CCDC63: variants seen among roughly 807,000 people sequenced by gnomAD.
CCDC63 encodes coiled-coil domain-containing protein 63.
CCDC63 carries 54 observed loss-of-function variants against 63.6 expected under a neutral mutation model. The ratio of observed to expected loss-of-function variants is 0.85; its 90% CI spans 0.68 to 1.07. CCDC63 has a LOEUF of 1.07. CCDC63 is among the 50% of genes least tolerant of loss of function. The probability of loss-of-function intolerance (pLI) is 0.00; values close to 1 mark genes in which losing one functional copy is unlikely to be tolerated. For synonymous variants in CCDC63, 253 were observed against 266.1 expected (o/e 0.95, Z 0.48); for missense variants, 637 against 689.6 (o/e 0.92, Z 0.86).
intron 8 of CCDC63, among the ~76,000 whole-genome samples, chr12:110,885,409 A>G (rs1291321913): frequency 6.6e-6 from 1 of 152,130 alleles, no homozygotes; most frequent in East Asian, 1.9e-4. Flanking sequence ...TTCCTGGGCT[A>G]TTTACACACC....
chr12:110,906,021 A>G (rs2071571599), intron 11 of CCDC63, among the ~76,000 whole-genome samples: 1 of 52,902 alleles, frequency 1.9e-5, no homozygotes, highest in Non-Finnish European at 3.7e-5. Flanking sequence ...TATAATATAT[A>G]TTATATATTA....
intron 4 of CCDC63, among the ~76,000 whole-genome samples, chr12:110,862,198 A>G (rs2070862904): frequency 6.6e-6 from 1 of 152,222 alleles, no homozygotes; most frequent in Admixed American, 6.5e-5. Context: ...CTTTAGAAGC[A>G]TTAGGAAGAG....
chr12:110,855,786 G>C (rs1407466781), intron 3 of CCDC63, among the ~76,000 whole-genome samples: 1 of 152,094 alleles, frequency 6.6e-6, no homozygotes, highest in East Asian at 1.9e-4. Flanking sequence ...TCACCATGTT[G>C]GTCAGGCTAG....
At chr12:110,847,811 G>A (rs1262918786) in intron 1 of CCDC63, among the ~76,000 whole-genome samples, 1 of 152,214 alleles carries the variant, frequency 6.6e-6, no homozygotes, top group Non-Finnish European at 1.5e-5. Context: ...TCGGGGGCAG[G>A]CTTGTCTTTT....
At chr12:110,857,708 C>A (rs576798685) in intron 3 of CCDC63, among the ~76,000 whole-genome samples, 2 of 152,160 alleles carry the variant, frequency 1.3e-5, no homozygotes, top group African/African-American at 4.8e-5. Flanking sequence ...TCCAAATCCC[C>A]CTGTTTTCCC....
intron 9 of CCDC63, 142 bp downstream of exon 9, chr12:110,893,292 C>T: frequency 1.5e-6 from 1 of 669,356 alleles, no homozygotes; most frequent in South Asian, 1.8e-5. Context: ...ATGACTCAGG[C>T]TGGCCTGGAT....
rs143432780 is a variant in CCDC63, at chr12:110,853,528, C to A, written c.133C>A (p.Arg45=). The change falls in exon 3 of 12, where the codon CGG becomes AGG. Residue 45 remains arginine, a synonymous_variant. Transcript: ENST00000308208. ...GCAGTTCAGGAAGATGGTGGAAAGC[C>A]GGAAGTCTTTTAAGTTCCGAAACCA... ...RQQFRKMVES[R]KSFKFRNQQK... 1 of 1,614,180 alleles carries A rather than the reference C, an allele frequency of 6.2e-7. No individual in the cohort carries two copies.
At chr12:110,904,504 C>A (rs912341868) in intron 10 of CCDC63, 84 bp from the exon 11 acceptor site, 2 of 1,176,436 alleles carry the variant, frequency 1.7e-6, no homozygotes, top group Admixed American at 1.8e-5. Context: ...CTCCTCCCCG[C>A]CCTCTGCAGT....
upstream of CCDC63, chr12:110,845,793 T>C (rs1210858748): frequency 2.7e-5 from 4 of 148,096 alleles, no homozygotes; most frequent in South Asian, 2.1e-4. Context: ...GGAGTCTCAC[T>C]CTGTCACCCA....
chr12:110,887,605 C>G (rs1266973070), intron 8 of CCDC63, among the ~76,000 whole-genome samples: 1 of 152,030 alleles, frequency 6.6e-6, no homozygotes, highest in Non-Finnish European at 1.5e-5. Flanking sequence ...GGCACCTTTG[C>G]TCAGACTAAG....
chr12:110,865,464 C>CAAAAAAA (rs10585238), intron 4 of CCDC63, among the ~76,000 whole-genome samples: 377 of 100,838 alleles, frequency 3.7e-3, no homozygotes, highest in Middle Eastern at 0.012. Flanking sequence ...CAGCATATAC[C>CAAAAAAA]AAAAAAAAAA....
At chr12:110,891,961 T>C (rs899651656) in intron 8 of CCDC63, among the ~76,000 whole-genome samples, 2 of 152,218 alleles carry the variant, frequency 1.3e-5, no homozygotes, top group Non-Finnish European at 2.9e-5. Context: ...TGAGCTTTTT[T>C]CTATCAGAGC....
At chr12:110,870,085 G>A (rs893104049) in intron 4 of CCDC63, among the ~76,000 whole-genome samples, 1 of 152,054 alleles carries the variant, frequency 6.6e-6, no homozygotes, top group South Asian at 2.1e-4. Flanking sequence ...AGTTTTTATT[G>A]GAGCTTCTTT....
At chr12:110,862,575 C>T (rs2070869497) in intron 4 of CCDC63, among the ~76,000 whole-genome samples, 1 of 152,152 alleles carries the variant, frequency 6.6e-6, no homozygotes, top group South Asian at 2.1e-4. Flanking sequence ...TGAATGTACT[C>T]ATGAGAGCCA....
At chr12:110,854,256 T>C (rs2070740681) in intron 3 of CCDC63, among the ~76,000 whole-genome samples, 1 of 21,184 alleles carries the variant, frequency 4.7e-5, no homozygotes, top group South Asian at 1.9e-3. Flanking sequence ...ATTTCTTTTC[T>C]TTTTTTTTTT....
chr12:110,888,838 C>CTTCG (rs2071320397), intron 8 of CCDC63, among the ~76,000 whole-genome samples: 1 of 121,748 alleles, frequency 8.2e-6, no homozygotes, highest in African/African-American at 3.6e-5. Flanking sequence ...TCCTTCCTTC[C>CTTCG]TTCCTTCCTT....
intron 8 of CCDC63, among the ~76,000 whole-genome samples, chr12:110,890,773 C>CTTTTTTTTT (rs769120162): frequency 1.3e-4 from 13 of 98,398 alleles, no homozygotes; most frequent in South Asian, 3.3e-4. Context: ...TCCTCCTTTT[C>CTTTTTTTTT]TTTTTTTTTT....
intron 2 of CCDC63, 128 bp downstream of exon 2, chr12:110,853,091 G>C: frequency 9.4e-7 from 1 of 1,064,142 alleles, no homozygotes; most frequent in Non-Finnish European, 1.4e-6. Flanking sequence ...TAGGTGGGAG[G>C]CTGGAGGCTC....
chr12:110,861,726 A>AT lies in CCDC63; in HGVS notation c.369+2968dup, dbSNP rs68137795. On this transcript the variant is annotated intron_variant, in intron 4 of 11. Coordinates refer to ENST00000308208, the MANE Select transcript of CCDC63 (RefSeq NM_152591.3). ...AGTTGGGACTATAGGTGCCTGGCTA[A>AT]TTTTTTTTTTTTTTTTTGTACTTTT... Among the ~76,000 whole-genome samples, 832 of 138,398 alleles carry AT rather than the reference A, an allele frequency of 6.0e-3. 4 individuals carry two copies. The highest frequency in any genetic ancestry group is 0.018 in the South Asian group (75 of 4,274). 90.8% of individuals were successfully genotyped at this position (138,398 alleles called of 152,430 possible). A position where few individuals can be genotyped will look rare whatever the true frequency, so the allele number is the denominator to read the frequency against.
Sources: allele counts gnomAD v4.1 joint callset (sites outside exome capture counted in the v4.1 genomes callset), GRCh38; gene constraint gnomAD v4.1.1; transcripts MANE v1.5; gene names NCBI Gene and HGNC (gene_info 2026-07-23, HGNC 2026-07-21).